The following RBM20 variants were observed in gnomAD, a reference collection of about 807,000 sequenced individuals.
The protein encoded by RBM20 is RNA-binding protein 20.
In RBM20, 51 loss-of-function variants were observed where a neutral mutation model predicts 110.1. The observed-to-expected ratio is 0.46, with a 90% confidence interval of 0.37 to 0.59. The LOEUF (loss-of-function observed/expected upper bound fraction) is 0.59. RBM20 is among the 20% of genes least tolerant of loss of function. RBM20 has a pLI of 0.00. For synonymous variants in RBM20, 589 were observed against 618.2 expected (o/e 0.95, Z 0.70); for missense variants, 1,512 against 1,574.9 (o/e 0.96, Z 0.68).
intron 9 of RBM20, among the ~76,000 whole-genome samples, chr10:110,815,852 A>C (rs1424231638): frequency 6.6e-6 from 1 of 152,180 alleles, no homozygotes; most frequent in East Asian, 1.9e-4. Context: ...TCTGCCTCTT[A>C]CAACCCTGGA....
intron 1 of RBM20, among the ~76,000 whole-genome samples, chr10:110,750,722 G>C (rs959763423): frequency 1.3e-5 from 2 of 152,110 alleles, no homozygotes; most frequent in Admixed American, 1.3e-4. Flanking sequence ...TGAATTTTCT[G>C]GGACTGACTA....
chr10:110,682,461 C>T (rs1862437204), intron 1 of RBM20, among the ~76,000 whole-genome samples: 1 of 152,126 alleles, frequency 6.6e-6, no homozygotes, highest in Admixed American at 6.6e-5. Context: ...TGTTGTGGCA[C>T]AGATCAGCCT....
chr10:110,749,416 G>GA (rs1225807824), intron 1 of RBM20, among the ~76,000 whole-genome samples: 1 of 151,866 alleles, frequency 6.6e-6, no homozygotes, highest in Non-Finnish European at 1.5e-5. Context: ...AGGGTACCTA[G>GA]AAAAAAATTA....
chr10:110,827,085 A>AT (rs754800838), intron 12 of RBM20, among the ~76,000 whole-genome samples: 5 of 152,184 alleles, frequency 3.3e-5, no homozygotes, highest in Non-Finnish European at 7.3e-5. Flanking sequence ...AGAGTATGGT[A>AT]TGAGGTTCTG....
chr10:110,656,366 C>T (rs1003726146), intron 1 of RBM20, among the ~76,000 whole-genome samples: 2 of 152,060 alleles, frequency 1.3e-5, no homozygotes, highest in African/African-American at 4.8e-5. Flanking sequence ...TTTATCTTTC[C>T]CTCTTCTCCT....
intron 5 of RBM20, among the ~76,000 whole-genome samples, chr10:110,790,862 C>T (rs1844475054): frequency 6.6e-6 from 1 of 152,074 alleles, no homozygotes; most frequent in Non-Finnish European, 1.5e-5. Flanking sequence ...GTTTAATTGG[C>T]CACAGATTAA....
At chr10:110,660,200 A>G (rs1862082165) in intron 1 of RBM20, among the ~76,000 whole-genome samples, 1 of 152,174 alleles carries the variant, frequency 6.6e-6, no homozygotes, top group Non-Finnish European at 1.5e-5. Flanking sequence ...ATTTGCAATA[A>G]TGACAGTTTA....
chr10:110,772,304 G>C (rs944619136), intron 1 of RBM20, among the ~76,000 whole-genome samples: 2 of 152,160 alleles, frequency 1.3e-5, no homozygotes, highest in South Asian at 4.1e-4. Flanking sequence ...GAGAGCCTCC[G>C]TGCTGAACTG....
intron 1 of RBM20, among the ~76,000 whole-genome samples, chr10:110,700,201 A>C (rs2134892358): frequency 6.6e-6 from 1 of 152,206 alleles, no homozygotes; most frequent in South Asian, 2.1e-4. Context: ...GCCTCCCCCT[A>C]GTCCCTCCCA....
In RBM20 at chr10:110,784,359, A is replaced by T. The variant is rs745544964; in HGVS notation, c.1356A>T (p.Ile452=). Residue 452 remains isoleucine (I), a synonymous_variant, in exon 4 of 14, where the codon ATA becomes ATT. Coordinates refer to ENST00000369519, the MANE Select transcript of RBM20 (RefSeq NM_001134363.3). ...TCTCCAGTGCTGGCATCCGGTGTATACTTGGTTCGGCAGAGGGAACATTGT... is the reference window on the plus strand; with the variant it reads ...TCTCCAGTGCTGGCATCCGGTGTATTCTTGGTTCGGCAGAGGGAACATTGT... ...VFSENAGIRC[I]LGSAEGTLCA... The T allele has an allele frequency of 2.4e-5, 37 of 1,551,038 alleles. 2 individuals are homozygous for T. In the South Asian group the frequency reaches 4.2e-4, roughly 17 times the overall value.
intron 1 of RBM20, among the ~76,000 whole-genome samples, chr10:110,773,631 C>T (rs1844222366): frequency 6.6e-6 from 1 of 152,118 alleles, no homozygotes; most frequent in African/African-American, 2.4e-5. Flanking sequence ...TACTATGGGA[C>T]TCGTTAGTTA....
intron 12 of RBM20, among the ~76,000 whole-genome samples, chr10:110,828,667 ACTATTATTC>A (rs141433081): frequency 0.25 from 38,050 of 152,072 alleles, 5,369 homozygotes; most frequent in East Asian, 0.33. Flanking sequence ...CACTTACAGC[ACTATTATTC>A]CTATTTCACA....
At chr10:110,761,570 G>A (rs17830216) in intron 1 of RBM20, among the ~76,000 whole-genome samples, 7,855 of 152,292 alleles carry the variant, frequency 0.052, 302 homozygotes, top group Middle Eastern at 0.089. Context: ...GCAGCCAGCC[G>A]TAGCCCGAGT....
intron 8 of RBM20, among the ~76,000 whole-genome samples, chr10:110,811,890 G>C (rs1439221676): frequency 1.3e-5 from 2 of 152,200 alleles, no homozygotes; most frequent in East Asian, 3.8e-4. Context: ...GGCTGGACTA[G>C]GGCAATCTTG....
At chr10:110,688,356 A>G (rs1862536271) in intron 1 of RBM20, among the ~76,000 whole-genome samples, 1 of 152,188 alleles carries the variant, frequency 6.6e-6, no homozygotes, top group Admixed American at 6.5e-5. Flanking sequence ...GTTTAATGCT[A>G]TGGTTCTGGC....
chr10:110,686,942 GGC>G (rs1862513848), intron 1 of RBM20, among the ~76,000 whole-genome samples: 2 of 151,992 alleles, frequency 1.3e-5, no homozygotes, highest in African/African-American at 4.8e-5. Context: ...GAGAGGCTGA[GGC>G]AGGAGAATTG....
At chr10:110,764,631 G>A (rs968969065) in intron 1 of RBM20, among the ~76,000 whole-genome samples, 1 of 152,168 alleles carries the variant, frequency 6.6e-6, no homozygotes, top group Non-Finnish European at 1.5e-5. Flanking sequence ...TCCCTCGCTT[G>A]CATACCCCCT....
chr10:110,803,746 A>G (rs1318985231), intron 7 of RBM20, among the ~76,000 whole-genome samples: 1 of 138,356 alleles, frequency 7.2e-6, no homozygotes, highest in Admixed American at 7.7e-5. Context: ...CTATGTTGAT[A>G]TGAATCAGCT....
chr10:110,736,931 T>C (rs1034076914), intron 1 of RBM20, among the ~76,000 whole-genome samples: 6 of 151,812 alleles, frequency 4.0e-5, no homozygotes, highest in African/African-American at 1.5e-4. Flanking sequence ...TCCCAGCACT[T>C]TGGAAGGCCG....
Sources: allele counts gnomAD v4.1 joint callset (sites outside exome capture counted in the v4.1 genomes callset), GRCh38; gene constraint gnomAD v4.1.1; transcripts MANE v1.5; gene names NCBI Gene and HGNC (gene_info 2026-07-23, HGNC 2026-07-21).